Variants in NAV2 observed in about 807,000 individuals in gnomAD.
NAV2 encodes the protein neuron navigator 2.
NAV2 carries 54 observed loss-of-function variants against 223.2 expected under a neutral mutation model. The observed-to-expected ratio is 0.24, with a 90% confidence interval of 0.19 to 0.30. NAV2 has a LOEUF of 0.30. NAV2 is among the 10% of genes least tolerant of loss of function. NAV2 has a pLI of 1.00. For missense variants in NAV2, 2,806 were observed against 3,147.5 expected, an observed-to-expected ratio of 0.89 and a Z score of 2.60; for synonymous variants, 1,279 against 1,239.3, an observed-to-expected ratio of 1.03 and a Z score of -0.67.
intron 1 of NAV2, among the ~76,000 whole-genome samples, chr11:19,439,854 A>G (rs559776787): frequency 6.6e-6 from 1 of 152,208 alleles, no homozygotes; most frequent in African/African-American, 2.4e-5. Flanking sequence ...TTAATCTTCC[A>G]TTCATTCTGA....
chr11:19,668,610 T>G (rs1283004752), intron 1 of NAV2, among the ~76,000 whole-genome samples: 1 of 151,508 alleles, frequency 6.6e-6, no homozygotes, highest in African/African-American at 2.4e-5. Context: ...AGCTCAGTGA[T>G]GATCTTGCAT....
At chr11:19,695,350 C>T (rs1008199745) in intron 1 of NAV2, among the ~76,000 whole-genome samples, 7 of 152,118 alleles carry the variant, frequency 4.6e-5, no homozygotes, top group South Asian at 2.1e-4. Flanking sequence ...TTTTCTCATC[C>T]GTAAACAGGG....
rs367876732 is a variant in NAV2, at chr11:19,616,965, G to T, written c.76-215519G>T. ...GGGAAAATTACTTACCCTCTGAGCC[G>T]CAGTCTCCTCATCTATAACATGGGT... On this transcript the variant is annotated intron_variant, in intron 1 of 37. Transcript: ENST00000360655. Among the ~76,000 whole-genome samples, 3 of 152,094 alleles carry T rather than the reference G, an allele frequency of 2.0e-5. No individual in the cohort carries two copies. In the East Asian group the frequency reaches 5.8e-4, roughly 29 times the overall value.
At chr11:19,548,404 ACCT>A (rs1264464375) in intron 1 of NAV2, among the ~76,000 whole-genome samples, 4 of 152,044 alleles carry the variant, frequency 2.6e-5, no homozygotes, top group Admixed American at 2.6e-4. Flanking sequence ...GCCTGTGCTT[ACCT>A]CCATTTCGCA....
chr11:19,448,170 C>T lies in NAV2; in HGVS notation c.75+97143C>T, dbSNP rs534867068. Among the ~76,000 whole-genome samples, 5 of 152,192 alleles carry T rather than the reference C, an allele frequency of 3.3e-5. No individual in the cohort carries two copies. In the East Asian group the frequency reaches 9.7e-4, roughly 30 times the overall value. On this transcript the variant is annotated intron_variant, in intron 1 of 37. Coordinates refer to the NAV2 transcript ENST00000360655. ...CCCTACCCCACCCCCCATCACACTC[C>T]CCCTGAATTCTTCCTTTGCCCTCAG...
intron 1 of NAV2, among the ~76,000 whole-genome samples, chr11:19,516,154 G>A (rs918471874): frequency 6.6e-6 from 1 of 152,188 alleles, no homozygotes; most frequent in African/African-American, 2.4e-5. Flanking sequence ...AAAGACTTGA[G>A]ATCAAATGAG....
chr11:19,860,565 G>A (rs1333477413), intron 3 of NAV2, among the ~76,000 whole-genome samples: 14 of 150,412 alleles, frequency 9.3e-5, no homozygotes, highest in Admixed American at 1.3e-4. Context: ...CCAGGCAGAG[G>A]GGCTCCTCAC....
At chr11:19,467,797 G>T (rs1197185078) in intron 1 of NAV2, among the ~76,000 whole-genome samples, 1 of 152,236 alleles carries the variant, frequency 6.6e-6, no homozygotes, top group Non-Finnish European at 1.5e-5. Flanking sequence ...GACAAGAGCT[G>T]CAGAAGATCT....
intron 37 of NAV2, among the ~76,000 whole-genome samples, chr11:20,116,672 C>T (rs996808761): frequency 2.0e-5 from 3 of 152,200 alleles, no homozygotes; most frequent in Non-Finnish European, 4.4e-5. Flanking sequence ...ACCCAGGATT[C>T]TTGGAAATGC....
At chr11:20,058,912 A>G (rs1391616694) in intron 19 of NAV2, among the ~76,000 whole-genome samples, 1 of 152,198 alleles carries the variant, frequency 6.6e-6, no homozygotes, top group Non-Finnish European at 1.5e-5. Flanking sequence ...TTGTCATATT[A>G]TAGCCTTCTC....
chr11:19,641,124 G>A (rs961468599), intron 1 of NAV2, among the ~76,000 whole-genome samples: 16 of 152,122 alleles, frequency 1.1e-4, no homozygotes, highest in Non-Finnish European at 2.1e-4. Context: ...TGTGGTAGCT[G>A]GCTCACCATC....
At chr11:20,108,371 C>A (rs1418554557) in intron 36 of NAV2, among the ~76,000 whole-genome samples, 1 of 152,218 alleles carries the variant, frequency 6.6e-6, no homozygotes, top group Admixed American at 6.5e-5. Context: ...ATCAGCACCC[C>A]TACCCTCTTA....
intron 6 of NAV2, among the ~76,000 whole-genome samples, chr11:19,932,282 A>G (rs3903517): frequency 1.7e-3 from 251 of 151,006 alleles, no homozygotes; most frequent in Non-Finnish European, 2.5e-3. Flanking sequence ...AAAAAAAAAA[A>G]GCTGTTTTTA....
intron 3 of NAV2, among the ~76,000 whole-genome samples, chr11:19,867,818 A>G (rs2062190175): frequency 6.6e-6 from 1 of 152,202 alleles, no homozygotes; most frequent in Non-Finnish European, 1.5e-5. Context: ...TAAGTCATAA[A>G]ATGCCAAATG....
At chr11:19,541,552 C>G (rs2044342759) in intron 1 of NAV2, among the ~76,000 whole-genome samples, 1 of 152,196 alleles carries the variant, frequency 6.6e-6, no homozygotes, top group Non-Finnish European at 1.5e-5. Flanking sequence ...AGGCTGAGGC[C>G]AGGACTCCTC....
intron 1 of NAV2, among the ~76,000 whole-genome samples, chr11:19,510,215 T>C (rs1211418526): frequency 1.3e-5 from 2 of 152,200 alleles, no homozygotes; most frequent in African/African-American, 4.8e-5. Context: ...CAGTGATAAA[T>C]CCATAGCTCT....
intron 1 of NAV2, among the ~76,000 whole-genome samples, chr11:19,351,976 A>AGTGTGT (rs59544307): frequency 0.031 from 4,445 of 145,622 alleles, 77 homozygotes; most frequent in Non-Finnish European, 0.036. Context: ...TCTCTCTGTG[A>AGTGTGT]GTGTGTGTGT....
chr11:20,082,559 C>A (rs773126841), intron 25 of NAV2: 1 of 1,613,614 alleles, frequency 6.2e-7, no homozygotes, highest in South Asian at 1.1e-5. Flanking sequence ...TTTCCTCCCC[C>A]TTCCCCATTT....
At chr11:19,585,172 G>A (rs1424154755) in intron 1 of NAV2, among the ~76,000 whole-genome samples, 10 of 152,116 alleles carry the variant, frequency 6.6e-5, no homozygotes, top group Admixed American at 5.9e-4. Context: ...TTGGTTTAAA[G>A]TCTGTTTTAT....
Sources: allele counts gnomAD v4.1 joint callset (sites outside exome capture counted in the v4.1 genomes callset), GRCh38; gene constraint gnomAD v4.1.1; transcripts MANE v1.5; gene names NCBI Gene and HGNC (gene_info 2026-07-23, HGNC 2026-07-21).